Variants in OR51E1 observed in about 807,000 individuals in gnomAD.
OR51E1 encodes the protein olfactory receptor 51E1.
A neutral mutation model predicts 11.5 loss-of-function variants in OR51E1; 9 were observed. The ratio of observed to expected loss-of-function variants is 0.78; its 90% CI spans 0.47 to 1.37. OR51E1 has a LOEUF of 1.37. Among genes scored for constraint, OR51E1 ranks in the 40% most tolerant of loss-of-function variants. The pLI, the probability that OR51E1 is intolerant of heterozygous loss-of-function variation, is 0.00. For synonymous variants in OR51E1, 168 were observed against 158.3 expected, an observed-to-expected ratio of 1.06 and a Z score of -0.46; for missense variants, 397 against 410.2, an observed-to-expected ratio of 0.97 and a Z score of 0.28.
intron 1 of OR51E1, among the ~76,000 whole-genome samples, chr11:4,646,200 G>C (rs9787767): frequency 0.2 from 29,835 of 152,138 alleles, 3,267 homozygotes; most frequent in South Asian, 0.33. Flanking sequence ...AGCAGCGCCA[G>C]AGGCCCTCAC....
In OR51E1 at chr11:4,649,375, G is replaced by C. The variant is rs1847066588; in HGVS notation, c.-39-3113G>C. Among the ~76,000 whole-genome samples the C allele has an allele frequency of 2.0e-5, 3 of 152,234 alleles. No individual in the cohort carries two copies. The South Asian group carries it at 6.2e-4, about 32-fold the overall frequency. Reference sequence around the variant, plus strand: ...CAAGGAGGAAGATCTGGGAGGAACAGTTTTTCTTGACAAGGGGATGAGAAG... The same window carrying C: ...CAAGGAGGAAGATCTGGGAGGAACACTTTTTCTTGACAAGGGGATGAGAAG... On this transcript the variant is annotated intron_variant, in intron 1 of 1. Transcript: ENST00000396952.
At chr11:4,650,941 C>CA (rs34830469) in intron 1 of OR51E1, among the ~76,000 whole-genome samples, 72,331 of 147,542 alleles carry the variant, frequency 0.49, 18,059 homozygotes, top group East Asian at 0.92. Context: ...TGCAAATATT[C>CA]AAAAAAAAAA....
chr11:4,645,550 G>A lies in OR51E1; in HGVS notation c.-40+1520G>A, dbSNP rs116436740. 1.4e-3 allele frequency among the ~76,000 whole-genome samples: 216 copies of A among 152,278 alleles called. No homozygotes were observed. The Middle Eastern group carries it at 0.02, about 14-fold the overall frequency. On this transcript the variant is annotated intron_variant, in intron 1 of 1. Coordinates refer to ENST00000396952, the MANE Select transcript of OR51E1 (RefSeq NM_152430.4). ...TGGAACGATATCTCTGGTACTCAGT[G>A]GAGTCTGGCACAGAAGTCCGTCAAT...
rs547567048 is a variant in OR51E1 at position 4,652,946 on chromosome 11, G to A, written c.420G>A (p.Thr140=). The A allele has an allele frequency of 2.1e-5, 33 of 1,606,682 alleles. No individual in the cohort carries two copies. The highest frequency in any genetic ancestry group is 2.4e-5 in the Non-Finnish European group (28 of 1,175,936). ...CHPLRHATVL[T]LPRVTKIGVA... ...CACTGCGCCATGCCACAGTACTTACGTTGCCTCGTGTCACCAAAATTGGTG... is the reference window on the plus strand; with the variant it reads ...CACTGCGCCATGCCACAGTACTTACATTGCCTCGTGTCACCAAAATTGGTG... Residue 140 remains threonine (T), a synonymous_variant, in exon 2 of 2, where the codon ACG becomes ACA. Transcript: ENST00000396952.
At chr11:4,650,880 A>T (rs953035739) in intron 1 of OR51E1, among the ~76,000 whole-genome samples, 4 of 152,222 alleles carry the variant, frequency 2.6e-5, no homozygotes, top group African/African-American at 9.6e-5. Flanking sequence ...TCACTGCAGC[A>T]TTTCAAATTT....
chr11:4,653,744 C>G lies in OR51E1; in HGVS notation c.*261C>G. ...TTTCATTTTACCATGCAGTCCAAAT[C>G]TAAACTGCTTCTACTGATGGTTTAC... On this transcript the variant is annotated 3_prime_UTR_variant, in exon 2 of 2. Coordinates refer to ENST00000396952, the MANE Select transcript of OR51E1 (RefSeq NM_152430.4). 2.7e-6 allele frequency: 1 copy of G among 368,756 alleles called. No individual in the cohort carries two copies. Among genetic ancestry groups the G allele is most frequent in the Non-Finnish European group, 5.1e-6 (1 of 195,226 alleles). 22.8% of individuals were successfully genotyped at this position (368,756 alleles called of 1,614,324 possible).
Position 4,653,255 on chromosome 11 carries a change from C to A in OR51E1, c.729C>A (p.Cys243Ter), listed in dbSNP as rs144348112. The A allele has an allele frequency of 6.2e-7, 1 of 1,613,974 alleles. No individual in the cohort carries two copies. Among genetic ancestry groups the A allele is most frequent in the Non-Finnish European group, 8.5e-7 (1 of 1,179,854 alleles). The change falls in exon 2 of 2, where the codon TGC (cysteine) becomes TGA (stop). Residue 243 changes from cysteine to a stop codon, truncating the protein, a stop_gained. Coordinates refer to ENST00000396952, the MANE Select transcript of OR51E1 (RefSeq NM_152430.4). LOFTEE classifies it high-confidence loss of function. ...CCCAGGCCAAGGCATTTGGCACTTGCGTCTCTCATGTGTGTGCTGTGTTCA... is the reference window on the plus strand; with the variant it reads ...CCCAGGCCAAGGCATTTGGCACTTGAGTCTCTCATGTGTGTGCTGTGTTCA... ...REAQAKAFGT[C>*]VSHVCAVFIF... is the part of the protein sequence containing the mutation.
rs760728701 is a variant in OR51E1 at position 4,652,760 on chromosome 11, C to T, written c.234C>T (p.Thr78=). ...CAGGCATTGACATCCTCATCTCCAC[C>T]TCATCCATGCCCAAAATGCTGGCCA... ...MLSGIDILIS[T]SSMPKMLAIF... The change falls in exon 2 of 2, where the codon ACC becomes ACT. Residue 78 remains threonine (T), a synonymous_variant. Transcript: ENST00000396952. The T allele has an allele frequency of 6.2e-7, 1 of 1,614,046 alleles. No individual in the cohort carries two copies. Among genetic ancestry groups the T allele is most frequent in the Non-Finnish European group, 8.5e-7 (1 of 1,180,010 alleles).
Position 4,652,780 on chromosome 11 carries a change from TG to T in OR51E1, c.256del (p.Ala86ProfsTer73). The T allele has an allele frequency of 2.5e-6, 4 of 1,614,242 alleles. No individual in the cohort carries two copies. Among genetic ancestry groups the T allele is most frequent in the Non-Finnish European group, 3.4e-6 (4 of 1,180,032 alleles). On this transcript the variant is annotated frameshift_variant, in exon 2 of 2. Transcript: ENST00000396952. LOFTEE classifies it high-confidence loss of function. ...TCCACCTCATCCATGCCCAAAATGC[TG>T]GCCATCTTCTGGTTCAATTCCACTA... The part of the protein sequence containing the change: ...LISTSSMPKM[L>X]AIFWFNSTTI...
At position 4,653,446 on chromosome 11, in the gene OR51E1, GACTTTTCCATGTGGCCACAC is replaced by G; in HGVS notation, c.923_942del (p.Leu308ArgfsTer19). On this transcript the variant is annotated frameshift_variant, in exon 2 of 2. Coordinates refer to ENST00000396952, the MANE Select transcript of OR51E1 (RefSeq NM_152430.4). LOFTEE classifies it high-confidence loss of function. ...AAGGAGATTCGACAGCGCATCCTTCGACTTTTCCATGTGGCCACACACGCTTCAGAGCCCTAGGTGTCAGT... is the reference window on the plus strand; with the variant it reads ...AAGGAGATTCGACAGCGCATCCTTCGACGCTTCAGAGCCCTAGGTGTCAGT... 6.2e-7 allele frequency: 1 copy of G among 1,613,574 alleles called. No individual in the cohort carries two copies. Among genetic ancestry groups the G allele is most frequent in the Non-Finnish European group, 8.5e-7 (1 of 1,179,592 alleles).
Position 4,653,005 on chromosome 11 carries a change from C to A in OR51E1, c.479C>A (p.Ala160Glu). The change falls in exon 2 of 2, where the codon GCA (alanine) becomes GAA (glutamate). Residue 160 changes from alanine (A) to glutamate (E), a missense_variant. Transcript: ENST00000396952. ...AAVVRGAALM[A>E]PLPVFIKQLP... The stretch of plus-strand genomic sequence containing the variant: ...GTGGTGCGGGGGGCTGCACTGATGG[C>A]ACCCCTTCCTGTCTTCATCAAGCAG... 6.2e-7 allele frequency: 1 copy of A among 1,605,520 alleles called. No individual in the cohort carries two copies. The highest frequency in any genetic ancestry group is 8.5e-7 in the Non-Finnish European group (1 of 1,175,336).
At chr11:4,644,759 A>G (rs1479832734) in intron 1 of OR51E1, among the ~76,000 whole-genome samples, 2 of 152,060 alleles carry the variant, frequency 1.3e-5, no homozygotes, top group Admixed American at 6.5e-5. Context: ...AACAAACTAG[A>G]TAAGTTCTGT....
At position 4,654,761 on chromosome 11, in the gene OR51E1, G is replaced by A. The variant is rs1847148200; in HGVS notation, c.*1278G>A. On this transcript the variant is annotated 3_prime_UTR_variant, in exon 2 of 2. Coordinates refer to ENST00000396952, the MANE Select transcript of OR51E1 (RefSeq NM_152430.4). ...CAATCTGACTTAGGCATGGGAATCAGGCATTTTTGCTTCTGAGGGGCTATT... is the reference window on the plus strand; with the variant it reads ...CAATCTGACTTAGGCATGGGAATCAAGCATTTTTGCTTCTGAGGGGCTATT... The A allele has an allele frequency of 6.0e-6, 1 of 167,106 alleles. No homozygotes were observed. Among genetic ancestry groups the A allele is most frequent in the Admixed American group, 6.5e-5 (1 of 15,274 alleles). 10.4% of individuals were successfully genotyped at this position (167,106 alleles called of 1,614,324 possible). A position where few individuals can be genotyped will look rare whatever the true frequency, so the allele number is the denominator to read the frequency against.
intron 1 of OR51E1, among the ~76,000 whole-genome samples, chr11:4,650,993 A>T (rs1223621349): frequency 6.6e-6 from 1 of 152,116 alleles, no homozygotes; most frequent in East Asian, 1.9e-4. Context: ...CATTGAAGAT[A>T]AGGGCTACCC....
In OR51E1 at chr11:4,652,558, G is replaced by T; in HGVS notation, c.32G>T (p.Ser11Ile). 6.2e-7 allele frequency: 1 copy of T among 1,613,722 alleles called. No individual in the cohort carries two copies. The highest frequency in any genetic ancestry group is 8.5e-7 in the Non-Finnish European group (1 of 1,179,726). MMVDPNGNESSATYFILIGLP... is the reference protein window; with the variant it reads MMVDPNGNESIATYFILIGLP... The stretch of plus-strand genomic sequence containing the variant: ...GTGGATCCCAATGGCAATGAATCCA[G>T]TGCTACATACTTCATCCTAATAGGC... The change falls in exon 2 of 2, where the codon AGT becomes ATT. Residue 11 changes from serine (S) to isoleucine (I), a missense_variant. Physicochemically the swap from Ser to Ile is moderately radical, Grantham distance 142. Coordinates refer to ENST00000396952, the MANE Select transcript of OR51E1 (RefSeq NM_152430.4).
intron 1 of OR51E1, among the ~76,000 whole-genome samples, chr11:4,648,738 C>T (rs1490604235): frequency 6.6e-6 from 1 of 152,166 alleles, no homozygotes; most frequent in Admixed American, 6.5e-5. Flanking sequence ...GTACCAGAAC[C>T]TTCTTGCCAG....
intron 1 of OR51E1, among the ~76,000 whole-genome samples, chr11:4,649,389 G>T (rs1430051332): frequency 3.9e-5 from 6 of 152,058 alleles, no homozygotes; most frequent in Admixed American, 1.3e-4. Flanking sequence ...TTCTTGACAA[G>T]GGGATGAGAA....
At chr11:4,652,411 C>T in intron 1 of OR51E1, 77 bp from the exon 2 acceptor site, 1 of 673,240 alleles carries the variant, frequency 1.5e-6, no homozygotes, top group East Asian at 2.5e-5. Flanking sequence ...AGTTAGAGAA[C>T]AGTACATCAG....
chr11:4,651,550 T>C (rs138189469), intron 1 of OR51E1, among the ~76,000 whole-genome samples: 7 of 152,304 alleles, frequency 4.6e-5, no homozygotes, highest in Non-Finnish European at 1.0e-4. Flanking sequence ...ATGTGCATCA[T>C]GGGGGCACAG....
Sources: gnomAD v4.1 joint callset for allele counts (sites outside exome capture counted in the v4.1 genomes callset) on GRCh38, gnomAD v4.1.1 for gene constraint, MANE v1.5 for transcripts, NCBI Gene and HGNC (gene_info 2026-07-23, HGNC 2026-07-21) for gene names.